The following TBC1D22A variants were observed in gnomAD, a reference collection of about 807,000 sequenced individuals.
TBC1D22A encodes TBC1 domain family member 22A.
Under a neutral mutation model 60.2 loss-of-function variants are expected in TBC1D22A, and 38 were observed. That is an observed-to-expected ratio of 0.63 (90% CI 0.49 to 0.83). The LOEUF (loss-of-function observed/expected upper bound fraction) is 0.83, where lower values mean the gene tolerates loss of function less well. TBC1D22A is among the 40% of genes least tolerant of loss of function. The probability of loss-of-function intolerance (pLI) is 0.00; values close to 1 mark genes in which losing one functional copy is unlikely to be tolerated. For missense variants in TBC1D22A, 628 were observed against 701.0 expected, an observed-to-expected ratio of 0.90 and a Z score of 1.18; for synonymous variants, 302 against 281.7, an observed-to-expected ratio of 1.07 and a Z score of -0.72.
chr22:47,161,780 C>T (rs991504601), intron 12 of TBC1D22A, among the ~76,000 whole-genome samples: 2 of 152,242 alleles, frequency 1.3e-5, no homozygotes, highest in African/African-American at 4.8e-5. Flanking sequence ...GGCTTGTGGA[C>T]CCGACAGTGT....
intron 8 of TBC1D22A, among the ~76,000 whole-genome samples, chr22:46,938,902 G>A (rs2071821774): frequency 6.6e-6 from 1 of 151,846 alleles, no homozygotes; most frequent in African/African-American, 2.4e-5. Context: ...TTCTCACTAT[G>A]GTAGAAATGG....
At chr22:46,911,547 CG>C (rs1177382095) in intron 7 of TBC1D22A, among the ~76,000 whole-genome samples, 2 of 152,172 alleles carry the variant, frequency 1.3e-5, no homozygotes, top group Non-Finnish European at 2.9e-5. Context: ...AGCTCAGGGA[CG>C]GACTGAGCCA....
At position 46,875,398 on chromosome 22, in the gene TBC1D22A, C is replaced by T. The variant is rs370229587; in HGVS notation, c.638-3255C>T. On this transcript the variant is annotated intron_variant, in intron 4 of 12. Coordinates refer to ENST00000337137, the MANE Select transcript of TBC1D22A (RefSeq NM_014346.5). ...GTTAACTGGGAGTGGGGGCCAAGAA[C>T]GACTAGAAAAGGGCAATAGACATGT... Among the ~76,000 whole-genome samples the T allele has an allele frequency of 5.3e-5, 8 of 152,126 alleles. No homozygotes were observed. The East Asian group carries it at 5.8e-4, about 11-fold the overall frequency.
intron 7 of TBC1D22A, among the ~76,000 whole-genome samples, chr22:46,909,890 C>T (rs1309451295): frequency 6.6e-6 from 1 of 152,194 alleles, no homozygotes; most frequent in Non-Finnish European, 1.5e-5. Flanking sequence ...GCGTTGGTGA[C>T]TCGTGGTGCA....
In TBC1D22A at chr22:46,908,904, C is replaced by T. The variant is rs557275850; in HGVS notation, c.901-3170C>T. Among the ~76,000 whole-genome samples, 6 of 152,274 alleles carry T rather than the reference C, an allele frequency of 3.9e-5. No homozygotes were observed. In the East Asian group the frequency reaches 5.8e-4, roughly 15 times the overall value. The stretch of plus-strand genomic sequence containing the variant: ...CCCGAGGCTGTGCTCAGGCAGAACT[C>T]GGTCTATCTCAGGTACAGTTCAGAG... On this transcript the variant is annotated intron_variant, in intron 7 of 12. Transcript: ENST00000337137.
chr22:47,095,325 C>T (rs1021173405), intron 11 of TBC1D22A, among the ~76,000 whole-genome samples: 4 of 152,172 alleles, frequency 2.6e-5, no homozygotes, highest in East Asian at 1.9e-4. Flanking sequence ...CTCGTGAGGC[C>T]AGAAGGCCAT....
intron 12 of TBC1D22A, among the ~76,000 whole-genome samples, chr22:47,151,279 G>A (rs187493642): frequency 3.3e-5 from 5 of 152,280 alleles, no homozygotes; most frequent in African/African-American, 1.2e-4. Flanking sequence ...CCACCTTCCC[G>A]GGTGAGGCAG....
chr22:47,005,246 C>G (rs1258040619), intron 10 of TBC1D22A, among the ~76,000 whole-genome samples: 4 of 151,466 alleles, frequency 2.6e-5, no homozygotes, highest in Non-Finnish European at 5.9e-5. Flanking sequence ...CACAGAAACA[C>G]CACTATACAC....
intron 1 of TBC1D22A, 137 bp downstream of exon 1, chr22:46,762,985 C>CG (rs1742110357): frequency 1.3e-6 from 1 of 762,694 alleles, no homozygotes; most frequent in Admixed American, 4.2e-5. Context: ...GATGGTGTGA[C>CG]GGGCGTTGGG....
rs534971006 is a variant in TBC1D22A, at chr22:46,805,600, T to C, written c.637+7980T>C. On this transcript the variant is annotated intron_variant, in intron 4 of 12. Transcript: ENST00000337137. ...TCTTACTGGGAGAGTAGGGCTGCCT[T>C]CAGAGCCAGGCCACATGGCCACTCC... 2.6e-5 allele frequency among the ~76,000 whole-genome samples: 4 copies of C among 152,194 alleles called. No homozygotes were observed. In the South Asian group the frequency reaches 8.3e-4, roughly 32 times the overall value.
chr22:46,888,109 G>A (rs944983848), intron 5 of TBC1D22A, among the ~76,000 whole-genome samples: 4 of 152,188 alleles, frequency 2.6e-5, no homozygotes, highest in Admixed American at 6.5e-5. Context: ...CACTGTGCGC[G>A]TTCACTTTCA....
chr22:47,104,044 C>T (rs949713082), intron 11 of TBC1D22A, among the ~76,000 whole-genome samples: 1 of 152,132 alleles, frequency 6.6e-6, no homozygotes, highest in Admixed American at 6.5e-5. Flanking sequence ...CGGTGGCTCA[C>T]GCCTGTAATC....
chr22:46,943,576 A>G (rs1015869752), intron 8 of TBC1D22A, among the ~76,000 whole-genome samples: 2 of 152,204 alleles, frequency 1.3e-5, no homozygotes, highest in African/African-American at 4.8e-5. Flanking sequence ...CGCCTGGTCC[A>G]TCTGTCTGTC....
chr22:46,773,566 G>A (rs1656359174), intron 1 of TBC1D22A, among the ~76,000 whole-genome samples: 1 of 152,194 alleles, frequency 6.6e-6, no homozygotes, highest in Non-Finnish European at 1.5e-5. Flanking sequence ...CCGGGTTCAA[G>A]CAGTTCTCCT....
chr22:46,966,028 TAC>T (rs1462385996), intron 8 of TBC1D22A, among the ~76,000 whole-genome samples: 1 of 152,098 alleles, frequency 6.6e-6, no homozygotes, highest in African/African-American at 2.4e-5. Flanking sequence ...GTGCTGAGGG[TAC>T]CACTCTAACA....
chr22:47,037,142 C>G lies in TBC1D22A; in HGVS notation c.1273C>G (p.Leu425Val). Residue 425 changes from leucine to valine, a missense_variant, in exon 11 of 13, where the codon CTG becomes GTG. Transcript: ENST00000337137. ...LQFAFRWMNN[L>V]LMREVPLRCT... ...GTTTGCCTTCCGCTGGATGAACAACCTGCTGATGAGGGAGGTGCCCCTGCG... is the reference window on the plus strand; with the variant it reads ...GTTTGCCTTCCGCTGGATGAACAACGTGCTGATGAGGGAGGTGCCCCTGCG... 1.2e-6 allele frequency: 2 copies of G among 1,614,012 alleles called. No individual in the cohort carries two copies. The highest frequency in any genetic ancestry group is 1.7e-6 in the Non-Finnish European group (2 of 1,179,942).
At chr22:46,941,836 T>A (rs1248013494) in intron 8 of TBC1D22A, among the ~76,000 whole-genome samples, 1 of 145,342 alleles carries the variant, frequency 6.9e-6, no homozygotes, top group Non-Finnish European at 1.5e-5. Context: ...TATAGAATAA[T>A]AGAATATATG....
intron 1 of TBC1D22A, among the ~76,000 whole-genome samples, chr22:46,782,655 A>G (rs2083990764): frequency 6.6e-6 from 1 of 151,274 alleles, no homozygotes; most frequent in Non-Finnish European, 1.5e-5. Context: ...TCTCCTCCCC[A>G]CCCTTGGCAA....
intron 11 of TBC1D22A, among the ~76,000 whole-genome samples, chr22:47,106,610 C>T (rs2065642012): frequency 6.6e-6 from 1 of 151,836 alleles, no homozygotes; most frequent in African/African-American, 2.4e-5. Context: ...ACCCTAAAAC[C>T]CTCTCATTAA....
Sources: allele counts gnomAD v4.1 joint callset (sites outside exome capture counted in the v4.1 genomes callset), GRCh38; gene constraint gnomAD v4.1.1; transcripts MANE v1.5; gene names NCBI Gene and HGNC (gene_info 2026-07-23, HGNC 2026-07-21).